The following FBN2 variants were observed in gnomAD, a reference collection of about 807,000 sequenced individuals.
FBN2 encodes the protein fibrillin 2.
A neutral mutation model predicts 355.6 loss-of-function variants in FBN2; 105 were observed. The ratio of observed to expected loss-of-function variants is 0.30; its 90% confidence interval spans 0.25 to 0.35. FBN2 has a LOEUF of 0.35. FBN2 is among the 10% of genes least tolerant of loss of function. The pLI is 1.00. For synonymous variants in FBN2, 1,350 were observed against 1,301.2 expected, an observed-to-expected ratio of 1.04 and a Z score of -0.81; for missense variants, 3,280 against 3,758.7, an observed-to-expected ratio of 0.87 and a Z score of 3.33.
intron 63 of FBN2, 95 bp from the exon 64 acceptor site, chr5:128,262,002 C>G: frequency 1.1e-6 from 1 of 925,814 alleles, no homozygotes; most frequent in Non-Finnish European, 1.8e-6. Flanking sequence ...ACGAAACCAA[C>G]AGAGCAAACA....
chr5:128,353,331 C>T (rs1243228185), intron 20 of FBN2, among the ~76,000 whole-genome samples: 1 of 152,010 alleles, frequency 6.6e-6, no homozygotes, highest in African/African-American at 2.4e-5. Context: ...ACCCAAACAC[C>T]AAGACAGAGG....
Position 128,377,744 on chromosome 5 carries a change from T to C in FBN2, c.1849+8A>G, listed in dbSNP as rs747219934. 9 of 1,613,284 alleles carry C rather than the reference T, an allele frequency of 5.6e-6. No homozygotes were observed. The highest frequency in any genetic ancestry group is 6.8e-6 in the Non-Finnish European group (8 of 1,179,496). ...AATCTTTTGCAAGGGAGCAGGCAATTTCCATACCAACACAGTTTTTTCCAT... is the reference window on the plus strand; with the variant it reads ...AATCTTTTGCAAGGGAGCAGGCAATCTCCATACCAACACAGTTTTTTCCAT... On this transcript the variant is annotated splice_region_variant and intron_variant, in intron 13 of 64. Coordinates refer to ENST00000262464, the MANE Select transcript of FBN2 (RefSeq NM_001999.4).
At position 128,332,928 on chromosome 5, in the gene FBN2, G is replaced by A. The variant is rs34201226; in HGVS notation, c.4206C>T (p.Asn1402=). 1,006 of 1,613,896 alleles carry A rather than the reference G, an allele frequency of 6.2e-4. 8 individuals are homozygous for A. The African/African-American group carries it at 9.1e-3, about 15-fold the overall frequency. ...CAAACTCACCAATACACTTGATGCC[G>A]TTTCCAATCCAGCCTTCTCTGCAGC... ...KCSCREGWIG[N]GIKCIDLDEC... is the part of the protein sequence containing the mutation. Residue 1402 remains asparagine, a synonymous_variant, in exon 32 of 65, where the codon AAC becomes AAT. Transcript: ENST00000262464.
Position 128,258,040 on chromosome 5 carries a change from C to T in FBN2, c.*1415G>A, listed in dbSNP as rs1050687. The T allele has an allele frequency of 0.25, 37,707 of 151,806 alleles. 7,984 individuals carry two copies. Among genetic ancestry groups the T allele is most frequent in the African/African-American group, 0.59 (24,097 of 41,092 alleles). The allele number at this position is 151,806 out of a possible 1,614,324, so 9.4% of individuals were successfully genotyped here. A position where few individuals can be genotyped will look rare whatever the true frequency, so the allele number is the denominator to read the frequency against. On this transcript the variant is annotated 3_prime_UTR_variant, in exon 65 of 65. Coordinates refer to ENST00000262464, the MANE Select transcript of FBN2 (RefSeq NM_001999.4). ...TACAAATTTACACTGTTCCTTTTTT[C>T]TTTTTAGTTATTAAAAAAACAATAA...
At chr5:128,503,265 T>C (rs3989155) in intron 5 of FBN2, among the ~76,000 whole-genome samples, 3,696 of 152,296 alleles carry the variant, frequency 0.024, 163 homozygotes, top group African/African-American at 0.085. Flanking sequence ...AACTAAACCT[T>C]TTTCCTTTAT....
chr5:128,374,200 G>T (rs186733260), intron 15 of FBN2, among the ~76,000 whole-genome samples: 3 of 152,068 alleles, frequency 2.0e-5, no homozygotes, highest in Non-Finnish European at 4.4e-5. Context: ...TTAAAAAATA[G>T]CTTTGTTAAT....
chr5:128,359,780 T>C (rs1249000884), intron 19 of FBN2, among the ~76,000 whole-genome samples: 1 of 152,074 alleles, frequency 6.6e-6, no homozygotes, highest in Non-Finnish European at 1.5e-5. Flanking sequence ...GTTACACTAT[T>C]AAACACCACC....
chr5:128,374,698 G>A lies in FBN2; in HGVS notation c.2025C>T (p.Asn675=). The A allele has an allele frequency of 1.2e-6, 2 of 1,613,972 alleles. No homozygotes were observed. Among genetic ancestry groups the A allele is most frequent in the Non-Finnish European group, 1.7e-6 (2 of 1,179,918 alleles). The part of the protein sequence containing the change: ...PGICMNGHCI[N]SEGSFRCDCP... The stretch of plus-strand genomic sequence containing the variant: ...AGTCACAGCGGAAGGACCCTTCACT[G>A]TTGATGCAGTGCCCATTCATGCAGA... Residue 675 remains asparagine (N), a synonymous_variant, in exon 15 of 65, where the codon AAC becomes AAT. Transcript: ENST00000262464.
At chr5:128,328,273 C>G in intron 34 of FBN2, 3 of 353,106 alleles carry the variant, frequency 8.5e-6, no homozygotes, top group South Asian at 8.4e-5. Flanking sequence ...CCCAGACATA[C>G]AGACAGCAGT....
At chr5:128,399,832 G>A (rs2126987742) in intron 8 of FBN2, among the ~76,000 whole-genome samples, 1 of 152,022 alleles carries the variant, frequency 6.6e-6, no homozygotes, top group Middle Eastern at 3.4e-3. Context: ...ACAAATAGGA[G>A]AAAGAGAATC....
chr5:128,387,738 A>G (rs1752406315), intron 11 of FBN2, among the ~76,000 whole-genome samples: 1 of 152,106 alleles, frequency 6.6e-6, no homozygotes, highest in Non-Finnish European at 1.5e-5. Flanking sequence ...TTTCTTGAAT[A>G]TACTAAGAAT....
chr5:128,405,773 A>G (rs1752909728), intron 8 of FBN2, among the ~76,000 whole-genome samples: 1 of 152,222 alleles, frequency 6.6e-6, no homozygotes, highest in African/African-American at 2.4e-5. Context: ...TTTGTTCTCA[A>G]AAGCCTTCAA....
chr5:128,388,392 G>A (rs896396292), intron 11 of FBN2, among the ~76,000 whole-genome samples: 3 of 152,246 alleles, frequency 2.0e-5, no homozygotes, highest in Non-Finnish European at 2.9e-5. Context: ...GCATTTAGGA[G>A]GTTGTTATAC....
intron 5 of FBN2, among the ~76,000 whole-genome samples, chr5:128,512,350 A>AAT (rs1756153087): frequency 6.6e-6 from 1 of 151,950 alleles, no homozygotes; most frequent in Non-Finnish European, 1.5e-5. Flanking sequence ...CATCTCTATT[A>AAT]AAAGTACAAA....
chr5:128,301,596 T>C, intron 46 of FBN2, 86 bp from the exon 47 acceptor site: 1 of 1,297,962 alleles, frequency 7.7e-7, no homozygotes, highest in Non-Finnish European at 1.1e-6. Context: ...ACATACTTAT[T>C]GGCATGCATT....
intron 4 of FBN2, among the ~76,000 whole-genome samples, chr5:128,521,663 A>C (rs1370024983): frequency 6.6e-6 from 1 of 152,242 alleles, no homozygotes; most frequent in Non-Finnish European, 1.5e-5. Flanking sequence ...TAGGAAATTT[A>C]AATTACAGTC....
At chr5:128,527,723 G>A in intron 4 of FBN2, 149 bp downstream of exon 4, 1 of 618,922 alleles carries the variant, frequency 1.6e-6, no homozygotes, top group Non-Finnish European at 2.9e-6. Context: ...ATTCTTACAG[G>A]ATAAAAATTA....
In FBN2 at chr5:128,274,038, AAAAAGCAATGTATG is replaced by A. The variant is rs1478967612; in HGVS notation, c.7712-84_7712-71del. 9 of 1,570,844 alleles carry A rather than the reference AAAAAGCAATGTATG, an allele frequency of 5.7e-6. No individual in the cohort carries two copies. In the East Asian group the frequency reaches 2.0e-4, roughly 35 times the overall value. ...ACATGTCTTACGTTTCATGGGAAGT[AAAAAGCAATGTATG>A]AAAACCTAAGTTTCATGATGTGAAA... is the stretch of plus-strand genomic sequence containing the variant. On this transcript the variant is annotated intron_variant, in intron 60 of 64. Coordinates refer to ENST00000262464, the MANE Select transcript of FBN2 (RefSeq NM_001999.4).
At chr5:128,290,702 A>G in intron 50 of FBN2, 30 bp downstream of exon 50, 1 of 1,612,090 alleles carries the variant, frequency 6.2e-7, no homozygotes, top group Non-Finnish European at 8.5e-7. Context: ...TGGTACACAA[A>G]GTGCTGTCTG....
Sources: allele counts gnomAD v4.1 joint callset (sites outside exome capture counted in the v4.1 genomes callset), GRCh38; gene constraint gnomAD v4.1.1; transcripts MANE v1.5; gene names NCBI Gene and HGNC (gene_info 2026-07-23, HGNC 2026-07-21).